RASEF: variants seen among roughly 807,000 people sequenced by gnomAD.
RASEF encodes ras and EF-hand domain-containing protein.
In RASEF, 68 loss-of-function variants were observed where a neutral mutation model predicts 90.1. That is an observed-to-expected ratio of 0.75 (90% confidence interval 0.62 to 0.92). The LOEUF (loss-of-function observed/expected upper bound fraction) is 0.92, where lower values mean the gene tolerates loss of function less well. Among genes scored for constraint, RASEF ranks in the 40% least tolerant of loss-of-function variants. The pLI, the probability that RASEF is intolerant of heterozygous loss-of-function variation, is 0.00. For synonymous variants in RASEF, 331 were observed against 345.2 expected (o/e 0.96, Z 0.46); for missense variants, 949 against 937.2 (o/e 1.01, Z -0.16).
At chr9:83,071,176 A>G in the RASEF span, among the ~76,000 whole-genome samples, 1 of 152,206 alleles carries the variant, frequency 6.6e-6, no homozygotes, top group Non-Finnish European at 1.5e-5. Context: ...CAATAGTAAG[A>G]ACAGATAGTC....
chr9:83,037,292 T>A (rs1330611269), intron 1 of RASEF, among the ~76,000 whole-genome samples: 1 of 151,644 alleles, frequency 6.6e-6, no homozygotes, highest in Non-Finnish European at 1.5e-5. Context: ...TAGTTTTATA[T>A]CAATGCAATG....
At chr9:83,170,931 T>C in the RASEF span, among the ~76,000 whole-genome samples, 1 of 152,100 alleles carries the variant, frequency 6.6e-6, no homozygotes, top group African/African-American at 2.4e-5. Flanking sequence ...TTTTGTTTGA[T>C]TGCTCTGGCT....
chr9:83,214,045 T>G, the RASEF span, among the ~76,000 whole-genome samples: 2 of 152,126 alleles, frequency 1.3e-5, no homozygotes, highest in Non-Finnish European at 1.5e-5. Flanking sequence ...TGACTGCACC[T>G]GTGAAAAGCC....
the RASEF span, among the ~76,000 whole-genome samples, chr9:83,158,756 A>G: frequency 1.3e-5 from 2 of 149,358 alleles, no homozygotes; most frequent in East Asian, 1.9e-4. Flanking sequence ...ATATGCATAT[A>G]TGTATATATA....
At chr9:83,073,844 A>G in the RASEF span, among the ~76,000 whole-genome samples, 3 of 152,246 alleles carry the variant, frequency 2.0e-5, no homozygotes, top group African/African-American at 7.2e-5. Flanking sequence ...GTAAACAAGC[A>G]AGAAAATACC....
At chr9:83,177,045 G>C in the RASEF span, among the ~76,000 whole-genome samples, 23 of 151,910 alleles carry the variant, frequency 1.5e-4, no homozygotes, top group East Asian at 4.3e-3. Context: ...CACCTTCTCT[G>C]TGCTTTTATT....
chr9:83,144,391 G>GGAAA, the RASEF span, among the ~76,000 whole-genome samples: 125 of 33,242 alleles, frequency 3.8e-3, 10 homozygotes, highest in African/African-American at 9.0e-3. Flanking sequence ...AAGAAAGAAA[G>GGAAA]GAAAGAAAGA....
In RASEF at chr9:82,992,359, A is replaced by G. The variant is rs542623345; in HGVS notation, c.2040+547T>C. 1.7e-4 allele frequency among the ~76,000 whole-genome samples: 26 copies of G among 152,328 alleles called. No individual in the cohort carries two copies. The East Asian group carries it at 4.8e-3, about 28-fold the overall frequency. Reference sequence around the variant, plus strand: ...GCCCATGACAACAATCTGAATAGGAATGAGTTTATTCCTATATACAAATGC... The same window carrying G: ...GCCCATGACAACAATCTGAATAGGAGTGAGTTTATTCCTATATACAAATGC... On this transcript the variant is annotated intron_variant, in intron 15 of 16. Transcript: ENST00000376447.
At chr9:83,104,059 A>C in the RASEF span, among the ~76,000 whole-genome samples, 1 of 152,216 alleles carries the variant, frequency 6.6e-6, no homozygotes, top group African/African-American at 2.4e-5. Context: ...TGACATTTCT[A>C]TCGGTGCCAA....
chr9:83,209,695 G>A, the RASEF span, among the ~76,000 whole-genome samples: 1 of 152,216 alleles, frequency 6.6e-6, no homozygotes, highest in Non-Finnish European at 1.5e-5. Context: ...TTGACATTGT[G>A]TATTTTCTTA....
At chr9:83,138,890 A>G in the RASEF span, among the ~76,000 whole-genome samples, 2 of 152,054 alleles carry the variant, frequency 1.3e-5, no homozygotes, top group Non-Finnish European at 2.9e-5. Flanking sequence ...CCTTACTCTA[A>G]CAGTCTCCTC....
the RASEF span, among the ~76,000 whole-genome samples, chr9:83,126,602 G>T: frequency 4.6e-5 from 7 of 152,056 alleles, no homozygotes; most frequent in African/African-American, 9.7e-5. Context: ...ACTGCTTCAG[G>T]CAGTAAAGAT....
At chr9:83,069,902 C>T in the RASEF span, among the ~76,000 whole-genome samples, 1 of 152,276 alleles carries the variant, frequency 6.6e-6, no homozygotes, top group African/African-American at 2.4e-5. Context: ...TCTCTGTTGA[C>T]TAATGATGTT....
chr9:83,203,386 C>T, the RASEF span, among the ~76,000 whole-genome samples: 1 of 152,074 alleles, frequency 6.6e-6, no homozygotes, highest in Non-Finnish European at 1.5e-5. Context: ...AGCAATTCTC[C>T]TGCCTCAGCC....
At chr9:83,121,163 A>G in the RASEF span, among the ~76,000 whole-genome samples, 1 of 152,172 alleles carries the variant, frequency 6.6e-6, no homozygotes, top group Non-Finnish European at 1.5e-5. Context: ...TTATTTGTAA[A>G]GATTGGTTTA....
chr9:83,021,830 G>A (rs1288334234), intron 3 of RASEF, among the ~76,000 whole-genome samples: 1 of 152,208 alleles, frequency 6.6e-6, no homozygotes, highest in Non-Finnish European at 1.5e-5. Context: ...TTGCAGGGGA[G>A]TCCTGGAACC....
At chr9:82,997,276 T>C in intron 13 of RASEF, 150 bp from the exon 14 acceptor site, 1 of 601,306 alleles carries the variant, frequency 1.7e-6, no homozygotes, top group African/African-American at 1.9e-5. Context: ...ATTTCAAAGG[T>C]CTCGAATGAC....
chr9:83,064,336 G>C (rs2117939921), upstream of RASEF, among the ~76,000 whole-genome samples: 1 of 152,264 alleles, frequency 6.6e-6, no homozygotes, highest in Non-Finnish European at 1.5e-5. Context: ...CCTGGTCTTA[G>C]CAACCTAATT....
At chr9:83,005,209 T>C (rs115113712) in intron 8 of RASEF, among the ~76,000 whole-genome samples, 2,070 of 152,266 alleles carry the variant, frequency 0.014, 46 homozygotes, top group African/African-American at 0.046. Context: ...AAAGAGTTGG[T>C]TAACATTGAG....
Sources: allele counts gnomAD v4.1 joint callset (sites outside exome capture counted in the v4.1 genomes callset), GRCh38; gene constraint gnomAD v4.1.1; transcripts MANE v1.5; gene names NCBI Gene and HGNC (gene_info 2026-07-23, HGNC 2026-07-21).